The following MAN1A1 variants were observed in gnomAD, a reference collection of about 807,000 sequenced individuals.
MAN1A1 encodes mannosyl-oligosaccharide 1,2-alpha-mannosidase IA.
MAN1A1 carries 29 observed loss-of-function variants against 70.8 expected under a neutral mutation model. The observed-to-expected ratio is 0.41, with a 90% CI of 0.31 to 0.56. The LOEUF (loss-of-function observed/expected upper bound fraction) is 0.56. MAN1A1 is among the 20% of genes least tolerant of loss of function. The pLI is 0.29. For missense variants in MAN1A1, 747 were observed against 841.3 expected (o/e 0.89, Z 1.39); for synonymous variants, 349 against 330.1 (o/e 1.06, Z -0.62).
chr6:119,218,744 T>C (rs1012361823), intron 6 of MAN1A1, among the ~76,000 whole-genome samples: 16 of 152,148 alleles, frequency 1.1e-4, no homozygotes, highest in Non-Finnish European at 1.2e-4. Flanking sequence ...TGAATATGTA[T>C]GTATGAATGC....
intron 2 of MAN1A1, among the ~76,000 whole-genome samples, chr6:119,324,845 C>T (rs756878899): frequency 2.0e-5 from 3 of 152,050 alleles, no homozygotes; most frequent in Admixed American, 6.5e-5. Context: ...TACTGAAATT[C>T]GGGCTGGATA....
At chr6:119,190,191 C>A (rs1427822404) in intron 9 of MAN1A1, among the ~76,000 whole-genome samples, 1 of 152,158 alleles carries the variant, frequency 6.6e-6, no homozygotes, top group African/African-American at 2.4e-5. Flanking sequence ...GGCCACTGTG[C>A]AGCAGTAATA....
chr6:119,202,334 C>T (rs1156909565), intron 7 of MAN1A1, among the ~76,000 whole-genome samples: 1 of 152,042 alleles, frequency 6.6e-6, no homozygotes, highest in Non-Finnish European at 1.5e-5. Context: ...CCATCAATAT[C>T]ACTGTCTTCC....
intron 5 of MAN1A1, among the ~76,000 whole-genome samples, chr6:119,272,512 G>C (rs934861096): frequency 1.3e-5 from 2 of 152,034 alleles, no homozygotes; most frequent in Non-Finnish European, 2.9e-5. Flanking sequence ...GACTGTGCCA[G>C]GTATCTCAGT....
chr6:119,286,937 C>G (rs575480815), intron 5 of MAN1A1, among the ~76,000 whole-genome samples: 8 of 152,112 alleles, frequency 5.3e-5, no homozygotes, highest in Non-Finnish European at 8.8e-5. Context: ...GGCTCCTACA[C>G]GTCCTATCTC....
At chr6:119,331,217 T>C (rs1039309836) in intron 2 of MAN1A1, among the ~76,000 whole-genome samples, 1 of 152,226 alleles carries the variant, frequency 6.6e-6, no homozygotes, top group African/African-American at 2.4e-5. Flanking sequence ...TATATACAAC[T>C]TGACTGTCAA....
At chr6:119,298,670 C>T (rs1395894824) in intron 4 of MAN1A1, among the ~76,000 whole-genome samples, 3 of 150,832 alleles carry the variant, frequency 2.0e-5, no homozygotes, top group African/African-American at 7.3e-5. Context: ...AATCTCAGCT[C>T]ACTGCAACCC....
At chr6:119,273,225 T>C (rs1775972522) in intron 5 of MAN1A1, among the ~76,000 whole-genome samples, 1 of 152,152 alleles carries the variant, frequency 6.6e-6, no homozygotes, top group African/African-American at 2.4e-5. Flanking sequence ...ATATTACAAG[T>C]TCAGTATGGA....
At chr6:119,224,426 C>G (rs1774448745) in intron 6 of MAN1A1, among the ~76,000 whole-genome samples, 1 of 152,102 alleles carries the variant, frequency 6.6e-6, no homozygotes. Context: ...GAGAAGATCC[C>G]CAGGGTGCCA....
chr6:119,185,823 T>C (rs1357824018), intron 11 of MAN1A1, among the ~76,000 whole-genome samples: 1 of 149,652 alleles, frequency 6.7e-6, no homozygotes, highest in Non-Finnish European at 1.5e-5. Flanking sequence ...ATGATCATGA[T>C]CCACCCACTT....
intron 5 of MAN1A1, among the ~76,000 whole-genome samples, chr6:119,289,280 A>G (rs990789578): frequency 1.3e-5 from 2 of 151,932 alleles, no homozygotes; most frequent in South Asian, 4.1e-4. Flanking sequence ...TCACCTCCAC[A>G]TAGATTATGG....
chr6:119,244,594 T>C (rs1021741533), intron 6 of MAN1A1, among the ~76,000 whole-genome samples: 2 of 152,100 alleles, frequency 1.3e-5, no homozygotes, highest in East Asian at 1.9e-4. Flanking sequence ...ATGTAGTATA[T>C]GAGTGAATTA....
intron 5 of MAN1A1, among the ~76,000 whole-genome samples, chr6:119,268,194 T>C (rs920877763): frequency 1.6e-4 from 25 of 152,226 alleles, no homozygotes; most frequent in Admixed American, 2.0e-4. Context: ...AAGAGAAACA[T>C]TGCTTATCTA....
chr6:119,274,542 T>C (rs1776003410), intron 5 of MAN1A1, among the ~76,000 whole-genome samples: 1 of 152,216 alleles, frequency 6.6e-6, no homozygotes. Context: ...TTATATCAGA[T>C]ATGATTTGAA....
chr6:119,186,654 C>G (rs1244361257), intron 11 of MAN1A1, among the ~76,000 whole-genome samples: 1 of 152,192 alleles, frequency 6.6e-6, no homozygotes, highest in Non-Finnish European at 1.5e-5. Context: ...GCTCTTCCAC[C>G]TTCTTTTCCT....
Position 119,188,503 on chromosome 6 carries a change from A to G in MAN1A1, c.1621T>C (p.Tyr541His). 1.9e-6 allele frequency: 3 copies of G among 1,613,988 alleles called. No homozygotes were observed. Among genetic ancestry groups the G allele is most frequent in the Non-Finnish European group, 2.5e-6 (3 of 1,179,932 alleles). ...ATAACTTCTGGCCGTAAGATGTAGT[A>G]TTTTTCATTTTGTCTTGTAGCGATG... ...EAIATRQNEKYYILRPEVMET... is the reference protein window; with the variant it reads ...EAIATRQNEKHYILRPEVMET... The change falls in exon 11 of 13, where the codon TAC becomes CAC. Residue 541 changes from tyrosine to histidine, a missense_variant. Tyr to His is a moderately conservative substitution (Grantham distance 83). Coordinates refer to ENST00000368468, the MANE Select transcript of MAN1A1 (RefSeq NM_005907.4).
intron 8 of MAN1A1, among the ~76,000 whole-genome samples, chr6:119,195,325 C>T (rs1773540275): frequency 6.6e-6 from 1 of 152,144 alleles, no homozygotes; most frequent in Non-Finnish European, 1.5e-5. Flanking sequence ...CTATAAAGCC[C>T]TTCTTTTGGC....
At chr6:119,316,238 C>T (rs1374201987) in intron 2 of MAN1A1, among the ~76,000 whole-genome samples, 5 of 133,408 alleles carry the variant, frequency 3.7e-5, no homozygotes, top group African/African-American at 1.4e-4. Flanking sequence ...AATGCAGTGG[C>T]GCGATCTTGG....
chr6:119,275,355 G>C, intron 5 of MAN1A1, among the ~76,000 whole-genome samples: 1 of 117,894 alleles, frequency 8.5e-6, no homozygotes, highest in Non-Finnish European at 1.8e-5. Flanking sequence ...CGCCCAGGCT[G>C]GAGTGCAGTG....
Sources: gnomAD v4.1 joint callset for allele counts (sites outside exome capture counted in the v4.1 genomes callset) on GRCh38, gnomAD v4.1.1 for gene constraint, MANE v1.5 for transcripts, NCBI Gene and HGNC (gene_info 2026-07-23, HGNC 2026-07-21) for gene names.